The following DOCK5 variants were observed in gnomAD, a reference collection of about 807,000 sequenced individuals.
DOCK5 encodes dedicator of cytokinesis 5.
In DOCK5, 142 loss-of-function variants were observed where a neutral mutation model predicts 251.8. The ratio of observed to expected loss-of-function variants is 0.56; its 90% CI spans 0.49 to 0.65. The LOEUF (loss-of-function observed/expected upper bound fraction) is 0.65, where lower values mean the gene tolerates loss of function less well. Ranked by LOEUF, DOCK5 falls within the 30% of genes least tolerant of loss-of-function variation. The probability of loss-of-function intolerance (pLI) is 0.00; values close to 1 mark genes in which losing one functional copy is unlikely to be tolerated. For missense variants in DOCK5, 2,111 were observed against 2,312.3 expected, an observed-to-expected ratio of 0.91 and a Z score of 1.79; for synonymous variants, 842 against 835.5, an observed-to-expected ratio of 1.01 and a Z score of -0.13.
chr8:25,337,695 C>T (rs968653963), intron 22 of DOCK5, among the ~76,000 whole-genome samples: 7 of 150,694 alleles, frequency 4.6e-5, no homozygotes, highest in Admixed American at 6.6e-5. Flanking sequence ...AAGCGATTCT[C>T]GTGCCTCAGC....
At chr8:25,227,097 T>G (rs1287246365) in intron 1 of DOCK5, among the ~76,000 whole-genome samples, 1 of 152,224 alleles carries the variant, frequency 6.6e-6, no homozygotes, top group African/African-American at 2.4e-5. Context: ...CATTTTATTG[T>G]GGTTGTTCTG....
intron 45 of DOCK5, among the ~76,000 whole-genome samples, chr8:25,398,000 G>C (rs560889049): frequency 1.3e-5 from 2 of 150,684 alleles, no homozygotes; most frequent in Non-Finnish European, 3.0e-5. Flanking sequence ...TTACATATTT[G>C]ATGTAATATG....
At chr8:25,371,947 A>G (rs1239049135) in intron 34 of DOCK5, among the ~76,000 whole-genome samples, 3 of 152,242 alleles carry the variant, frequency 2.0e-5, no homozygotes, top group African/African-American at 7.2e-5. Flanking sequence ...GTGTGGGTCC[A>G]AAGGGACAGG....
intron 26 of DOCK5, among the ~76,000 whole-genome samples, chr8:25,345,957 C>G (rs2117240314): frequency 6.6e-6 from 1 of 152,244 alleles, no homozygotes; most frequent in African/African-American, 2.4e-5. Context: ...TCACGCCATT[C>G]TCCTGTCCCA....
chr8:25,392,272 C>G (rs568880289), intron 43 of DOCK5, among the ~76,000 whole-genome samples: 87 of 150,368 alleles, frequency 5.8e-4, no homozygotes, highest in African/African-American at 2.0e-3. Flanking sequence ...CCACTGCACT[C>G]CAGCATGGGC....
Position 25,390,075 on chromosome 8 carries a change from C to T in DOCK5, c.4274-131C>T, listed in dbSNP as rs980085822. 2.5e-5 allele frequency: 15 copies of T among 609,222 alleles called. No homozygotes were observed. The South Asian group carries it at 3.5e-4, about 14-fold the overall frequency. The allele number at this position is 609,222 out of a possible 1,614,324, so 37.7% of individuals were successfully genotyped here. ...AGGAACTCCCATTTTCAGTGTGGTC[C>T]TGGCATTGGGGTCAAAGGGAGTGAT... On this transcript the variant is annotated intron_variant, in intron 41 of 51. Transcript: ENST00000276440.
intron 29 of DOCK5, among the ~76,000 whole-genome samples, chr8:25,364,295 A>C (rs2117272810): frequency 6.6e-6 from 1 of 152,310 alleles, no homozygotes; most frequent in East Asian, 1.9e-4. Flanking sequence ...ATTACACCAG[A>C]AACCCTAAGC....
At chr8:25,354,456 A>C (rs1800531724) in intron 27 of DOCK5, among the ~76,000 whole-genome samples, 1 of 152,168 alleles carries the variant, frequency 6.6e-6, no homozygotes, top group African/African-American at 2.4e-5. Flanking sequence ...CCCTTGTTTA[A>C]ACTCACTCAA....
chr8:25,191,796 G>C (rs908654095), intron 1 of DOCK5, among the ~76,000 whole-genome samples: 1 of 151,614 alleles, frequency 6.6e-6, no homozygotes, highest in African/African-American at 2.4e-5. Flanking sequence ...TATACTTTAA[G>C]TTCTAGGGTA....
At position 25,380,341 on chromosome 8, in the gene DOCK5, G is replaced by A; in HGVS notation, c.3973G>A (p.Ala1325Thr). The change falls in exon 39 of 52, where the codon GCT (alanine) becomes ACT (threonine). Residue 1325 changes from alanine (A) to threonine (T), a missense_variant. Around this residue, in one of 3 missense-constraint regions of DOCK5, gnomAD observed 1,717 missense variants for 1,892.4 expected, o/e 0.91. Transcript: ENST00000276440. The part of the protein sequence containing the change: ...EKAIKLSKEL[A>T]ETYESKVFDY... ...GGCCATCAAGCTGAGCAAAGAGTTG[G>A]CTGAGACTTACGAAAGCAAAGTATT... 6.2e-7 allele frequency: 1 copy of A among 1,612,210 alleles called. No individual in the cohort carries two copies. The highest frequency in any genetic ancestry group is 2.2e-5 in the East Asian group (1 of 44,822).
At chr8:25,370,707 G>A (rs192136236) in intron 34 of DOCK5, among the ~76,000 whole-genome samples, 123 of 152,210 alleles carry the variant, frequency 8.1e-4, no homozygotes, top group African/African-American at 2.0e-3. Context: ...GGGTCTTGCC[G>A]TGTTGCCAAG....
chr8:25,313,608 G>A (rs1805157152), intron 13 of DOCK5, among the ~76,000 whole-genome samples: 1 of 152,186 alleles, frequency 6.6e-6, no homozygotes, highest in Non-Finnish European at 1.5e-5. Flanking sequence ...CGGACTGGGT[G>A]GCGTCAACAA....
rs2117424614 is a variant in DOCK5, at chr8:25,184,699, T to TGCAGCCCGGCCCA, written c.-205_-193dup. The TGCAGCCCGGCCCA allele has an allele frequency of 5.3e-6, 1 of 188,026 alleles. No individual in the cohort carries two copies. Among genetic ancestry groups the TGCAGCCCGGCCCA allele is most frequent in the South Asian group, 1.7e-4 (1 of 5,868 alleles). 11.6% of individuals were successfully genotyped at this position (188,026 alleles called of 1,614,324 possible). A position where few individuals can be genotyped will look rare whatever the true frequency, so the allele number is the denominator to read the frequency against. ...CCAGGAGGGGCGCGCACTGCTGCGC[T>TGCAGCCCGGCCCA]GCAGCCCGGCCCAGCAGGTGACCGC... On this transcript the variant is annotated 5_prime_UTR_variant, in exon 1 of 52. Coordinates refer to ENST00000276440, the MANE Select transcript of DOCK5 (RefSeq NM_024940.8).
At chr8:25,217,265 A>G (rs1802272743) in intron 1 of DOCK5, among the ~76,000 whole-genome samples, 1 of 151,148 alleles carries the variant, frequency 6.6e-6, no homozygotes, top group African/African-American at 2.4e-5. Flanking sequence ...TGTATACTAT[A>G]TATGCATATA....
intron 46 of DOCK5, among the ~76,000 whole-genome samples, 199 bp downstream of exon 46, chr8:25,400,193 C>T (rs1299129397): frequency 2.0e-5 from 3 of 152,102 alleles, no homozygotes; most frequent in African/African-American, 7.2e-5. Flanking sequence ...CTTCTTAAAG[C>T]TGAGATCAAA....
intron 1 of DOCK5, among the ~76,000 whole-genome samples, chr8:25,216,138 A>C (rs1315026542): frequency 6.6e-6 from 1 of 151,296 alleles, no homozygotes; most frequent in Admixed American, 6.6e-5. Flanking sequence ...CAATATGTCT[A>C]TACGTGTATA....
chr8:25,255,721 A>C (rs1419894162), intron 2 of DOCK5, among the ~76,000 whole-genome samples: 1 of 152,210 alleles, frequency 6.6e-6, no homozygotes, highest in East Asian at 1.9e-4. Flanking sequence ...ATTGCAATAA[A>C]TGTACCACTC....
intron 14 of DOCK5, among the ~76,000 whole-genome samples, chr8:25,318,746 C>T (rs1199137236): frequency 6.6e-6 from 1 of 152,000 alleles, no homozygotes; most frequent in African/African-American, 2.4e-5. Context: ...TGAACTCCAC[C>T]TCTTCTCGTA....
chr8:25,349,212 G>A (rs911171127), intron 26 of DOCK5, among the ~76,000 whole-genome samples: 1 of 152,140 alleles, frequency 6.6e-6, no homozygotes, highest in Non-Finnish European at 1.5e-5. Context: ...CAATAGATGT[G>A]GGCATAGACG....
Sources: gnomAD v4.1 joint callset for allele counts (sites outside exome capture counted in the v4.1 genomes callset) on GRCh38, gnomAD v4.1.1 for gene constraint, gnomAD v4.1.1 regional missense constraint, MANE v1.5 for transcripts, NCBI Gene and HGNC (gene_info 2026-07-23, HGNC 2026-07-21) for gene names.